The following ETV7 variants were observed in gnomAD, a reference collection of about 807,000 sequenced individuals.
ETV7 encodes the protein transcription factor ETV7.
In ETV7, 43 loss-of-function variants were observed where a neutral mutation model predicts 39.1. The ratio of observed to expected loss-of-function variants is 1.10; its 90% CI spans 0.86 to 1.42. The LOEUF is 1.42. ETV7 is among the 40% of genes most tolerant of loss of function. The probability of loss-of-function intolerance (pLI) is 0.00; values close to 1 mark genes in which losing one functional copy is unlikely to be tolerated. For synonymous variants in ETV7, 196 were observed against 176.6 expected, an observed-to-expected ratio of 1.11 and a Z score of -0.87; for missense variants, 432 against 442.3, an observed-to-expected ratio of 0.98 and a Z score of 0.21.
chr6:36,361,950 G>A (rs576038590), downstream of ETV7, among the ~76,000 whole-genome samples: 26 of 151,864 alleles, frequency 1.7e-4, no homozygotes, highest in Non-Finnish European at 3.5e-4. Context: ...ATCACCTGAG[G>A]TCGAGACCAG....
At chr6:36,361,784 C>A (rs566532740), downstream of ETV7, among the ~76,000 whole-genome samples, 1 of 152,310 alleles carries the variant, frequency 6.6e-6, no homozygotes, top group Non-Finnish European at 1.5e-5. Context: ...TTCATAAATT[C>A]TTTATCTATT....
intron 7 of ETV7, among the ~76,000 whole-genome samples, chr6:36,355,676 G>A (rs1772318857): frequency 6.6e-6 from 1 of 152,228 alleles, no homozygotes; most frequent in South Asian, 2.1e-4. Flanking sequence ...GCTTCCCAAA[G>A]TGCTGGGATT....
intron 7 of ETV7, chr6:36,354,746 C>T (rs1772295068): frequency 1.5e-6 from 1 of 676,082 alleles, no homozygotes; most frequent in Non-Finnish European, 2.7e-6. Flanking sequence ...AATATGTAGA[C>T]CAATTTAGGG....
chr6:36,357,612 C>T (rs1772374672), intron 7 of ETV7, among the ~76,000 whole-genome samples: 1 of 152,208 alleles, frequency 6.6e-6, no homozygotes. Flanking sequence ...TGCGCTGGCT[C>T]ATGCCTGTAA....
chr6:36,364,293 C>T (rs1340035162), downstream of ETV7, among the ~76,000 whole-genome samples: 6 of 152,332 alleles, frequency 3.9e-5, no homozygotes, highest in Admixed American at 3.3e-4. Flanking sequence ...TGGCGCTCGT[C>T]GGGGAGGCTC....
intron 7 of ETV7, among the ~76,000 whole-genome samples, chr6:36,356,966 G>A (rs1772358462): frequency 2.6e-5 from 4 of 152,208 alleles, no homozygotes; most frequent in South Asian, 2.1e-4. Flanking sequence ...ATGCCATAAC[G>A]CAAAGAAGCA....
intron 2 of ETV7, among the ~76,000 whole-genome samples, chr6:36,382,549 G>T (rs1286018880): frequency 1.3e-5 from 2 of 152,098 alleles, no homozygotes. Flanking sequence ...CTGGAATACC[G>T]GGAAGCCACA....
In ETV7 at chr6:36,375,557, G is replaced by A. The variant is rs188422577; in HGVS notation, c.307+314C>T. The stretch of plus-strand genomic sequence containing the variant: ...TGGTTTTTTGTTCAGTAGGGGTAGC[G>A]GGTGGGAGGCAACAGGATGGAAGTG... On this transcript the variant is annotated intron_variant, in intron 3 of 7. Transcript: ENST00000340181. Among the ~76,000 whole-genome samples, 11 of 152,274 alleles carry A rather than the reference G, an allele frequency of 7.2e-5. No homozygotes were observed. The East Asian group carries it at 9.7e-4, about 13-fold the overall frequency.
chr6:36,355,673 A>G (rs2127379158), intron 7 of ETV7, among the ~76,000 whole-genome samples: 1 of 152,366 alleles, frequency 6.6e-6, no homozygotes, highest in Admixed American at 6.5e-5. Flanking sequence ...TTGGCTTCCC[A>G]AAGTGCTGGG....
intron 2 of ETV7, among the ~76,000 whole-genome samples, chr6:36,384,195 T>G (rs1268503507): frequency 1.3e-5 from 2 of 152,232 alleles, no homozygotes; most frequent in Non-Finnish European, 2.9e-5. Flanking sequence ...TTTTAGGGTC[T>G]GCTCCTGGGG....
intron 7 of ETV7, among the ~76,000 whole-genome samples, chr6:36,355,604 G>A (rs1416218096): frequency 2.0e-5 from 3 of 152,170 alleles, no homozygotes; most frequent in Non-Finnish European, 4.4e-5. Flanking sequence ...GTAGAGACAG[G>A]GTTTCACCAT....
At chr6:36,384,205 GA>G (rs1204428180) in intron 2 of ETV7, among the ~76,000 whole-genome samples, 1 of 152,142 alleles carries the variant, frequency 6.6e-6, no homozygotes, top group Non-Finnish European at 1.5e-5. Context: ...TGCTCCTGGG[GA>G]AATCTAACCC....
Position 36,387,638 on chromosome 6 carries a change from C to G in ETV7, c.-97G>C. 5 of 1,373,570 alleles carry G rather than the reference C, an allele frequency of 3.6e-6. No homozygotes were observed. The highest frequency in any genetic ancestry group is 5.1e-6 in the Non-Finnish European group (5 of 973,968). The allele number at this position is 1,373,570 out of a possible 1,614,324, so 85.1% of individuals were successfully genotyped here. A position where few individuals can be genotyped will look rare whatever the true frequency, so the allele number is the denominator to read the frequency against. On this transcript the variant is annotated 5_prime_UTR_variant, in exon 1 of 8. Transcript: ENST00000340181. ...AGGCCCGCGCCCCGCAGTCCTCCTCCGCCAAACCCCTAACCTGGCTCCGAG... is the reference window on the plus strand; with the variant it reads ...AGGCCCGCGCCCCGCAGTCCTCCTCGGCCAAACCCCTAACCTGGCTCCGAG...
chr6:36,379,110 G>T (rs1385234735), intron 2 of ETV7, among the ~76,000 whole-genome samples: 1 of 152,232 alleles, frequency 6.6e-6, no homozygotes, highest in Non-Finnish European at 1.5e-5. Context: ...TTCCTGAGGG[G>T]TCGAGGGCAG....
At chr6:36,373,599 G>C in intron 3 of ETV7, 21 bp from the exon 4 acceptor site, 1 of 1,520,438 alleles carries the variant, frequency 6.6e-7, no homozygotes, top group Non-Finnish European at 8.8e-7. Flanking sequence ...GTGGGAGGGA[G>C]GGCAGGCTGC....
At chr6:36,357,137 A>G (rs1772362577) in intron 7 of ETV7, among the ~76,000 whole-genome samples, 1 of 152,170 alleles carries the variant, frequency 6.6e-6, no homozygotes, top group African/African-American at 2.4e-5. Context: ...GAAAATCAAG[A>G]TACCATTTGC....
chr6:36,375,705 AC>A, intron 3 of ETV7, 165 bp downstream of exon 3: 1 of 1,106,380 alleles, frequency 9.0e-7, no homozygotes. Context: ...CTAGCTAGGA[AC>A]CACCAGATAC....
At chr6:36,383,122 G>T (rs565979837) in intron 2 of ETV7, among the ~76,000 whole-genome samples, 3 of 152,182 alleles carry the variant, frequency 2.0e-5, no homozygotes, top group Non-Finnish European at 4.4e-5. Context: ...TGGTCCTAGA[G>T]TCTGCACTGC....
chr6:36,372,502 A>C, intron 4 of ETV7, among the ~76,000 whole-genome samples: 1 of 151,474 alleles, frequency 6.6e-6, no homozygotes, highest in East Asian at 1.9e-4. Flanking sequence ...AAGCAAGGAG[A>C]CCAGTGAGGA....
Sources: allele counts gnomAD v4.1 joint callset (sites outside exome capture counted in the v4.1 genomes callset), GRCh38; gene constraint gnomAD v4.1.1; transcripts MANE v1.5; gene names NCBI Gene and HGNC (gene_info 2026-07-23, HGNC 2026-07-21).